RAP1B: variants seen among roughly 807,000 people sequenced by gnomAD.
RAP1B encodes ras-related protein Rap-1b.
RAP1B carries 1 observed loss-of-function variant against 27.5 expected under a neutral mutation model. That is an observed-to-expected ratio of 0.04 (90% CI 0.01 to 0.17). The LOEUF (loss-of-function observed/expected upper bound fraction) is 0.17, where lower values mean the gene tolerates loss of function less well. Among genes scored for constraint, RAP1B ranks in the 10% least tolerant of loss-of-function variants. The pLI is 1.00. For missense variants in RAP1B, 84 were observed against 214.8 expected (o/e 0.39, Z 3.81); for synonymous variants, 75 against 73.1 (o/e 1.03, Z -0.13).
rs1008656225 is a variant in RAP1B at position 68,669,042 on chromosome 12, A to G, written c.*9793A>G. 6.6e-6 allele frequency: 1 copy of G among 152,212 alleles called. No individual in the cohort carries two copies. The highest frequency in any genetic ancestry group is 2.4e-5 in the African/African-American group (1 of 41,462). 9.4% of individuals were successfully genotyped at this position (152,212 alleles called of 1,614,324 possible). A position where few individuals can be genotyped will look rare whatever the true frequency, so the allele number is the denominator to read the frequency against. On this transcript the variant is annotated 3_prime_UTR_variant, in exon 8 of 8. Transcript: ENST00000250559. The stretch of plus-strand genomic sequence containing the variant: ...AAATAAAATTACTTTTGCTTGTATT[A>G]TAAGTGAATACCTTGAAAGCTCAAA...
At position 68,664,895 on chromosome 12, in the gene RAP1B, GTT is replaced by G. The variant is rs1565678379; in HGVS notation, c.*5648_*5649del. 1.3e-5 allele frequency: 2 copies of G among 152,180 alleles called. No individual in the cohort carries two copies. The highest frequency in any genetic ancestry group is 4.8e-5 in the African/African-American group (2 of 41,434). The allele number at this position is 152,180 out of a possible 1,614,324, so 9.4% of individuals were successfully genotyped here. Reference sequence around the variant, plus strand: ...TGTTATTTTGTAAAATATATGGACTGTTTGCTTTATATTCCCAACTATTACAT... The same window carrying G: ...TGTTATTTTGTAAAATATATGGACTGTGCTTTATATTCCCAACTATTACAT... On this transcript the variant is annotated 3_prime_UTR_variant, in exon 8 of 8. Coordinates refer to ENST00000250559, the MANE Select transcript of RAP1B (RefSeq NM_001010942.3).
At chr12:68,636,096 G>A (rs1872614402) in intron 1 of RAP1B, among the ~76,000 whole-genome samples, 1 of 151,634 alleles carries the variant, frequency 6.6e-6, no homozygotes, top group Admixed American at 6.6e-5. Flanking sequence ...TATTGGCCAG[G>A]CTGGTCGCAA....
At chr12:68,650,739 T>C (rs1873754777) in intron 3 of RAP1B, 1 of 202,164 alleles carries the variant, frequency 4.9e-6, no homozygotes, top group Non-Finnish European at 9.8e-6. Flanking sequence ...CATGTTACTT[T>C]CAGTCCCCTA....
At chr12:68,647,082 T>A (rs752950036) in intron 1 of RAP1B, among the ~76,000 whole-genome samples, 3 of 152,156 alleles carry the variant, frequency 2.0e-5, no homozygotes, top group Non-Finnish European at 2.9e-5. Flanking sequence ...AGACAGAATC[T>A]CACTGTGTTG....
rs1430212741 is a variant in RAP1B at position 68,659,790 on chromosome 12, T to G, written c.*541T>G. On this transcript the variant is annotated 3_prime_UTR_variant, in exon 8 of 8. Transcript: ENST00000250559. ...CTTTGATTAACACAGCTATATAGTT[T>G]TTTTAATTTTTAAAAAACCTGTGGA... 6.6e-6 allele frequency: 1 copy of G among 152,574 alleles called. No individual in the cohort carries two copies. Among genetic ancestry groups the G allele is most frequent in the African/African-American group, 2.4e-5 (1 of 41,438 alleles). 9.5% of individuals were successfully genotyped at this position (152,574 alleles called of 1,614,324 possible).
intron 1 of RAP1B, among the ~76,000 whole-genome samples, chr12:68,628,064 CT>C (rs1215258287): frequency 6.6e-6 from 1 of 152,150 alleles, no homozygotes; most frequent in Admixed American, 6.5e-5. Context: ...ATGATTGCAC[CT>C]CTGCACTCTA....
chr12:68,648,138 A>G (rs1358101878), intron 1 of RAP1B: 3 of 152,432 alleles, frequency 2.0e-5, no homozygotes, highest in Admixed American at 6.5e-5. Context: ...TTTTATTTCT[A>G]CTATTTCATC....
At chr12:68,653,732 T>A (rs1738755934) in intron 4 of RAP1B, among the ~76,000 whole-genome samples, 1 of 151,982 alleles carries the variant, frequency 6.6e-6, no homozygotes, top group African/African-American at 2.4e-5. Flanking sequence ...ATGGAGATCA[T>A]CCTGGCTAAC....
intron 1 of RAP1B, among the ~76,000 whole-genome samples, chr12:68,635,374 G>GGAGATGGAAAGGA (rs1872558705): frequency 6.6e-6 from 1 of 152,156 alleles, no homozygotes; most frequent in Admixed American, 6.5e-5. Context: ...TTTTGGAGTT[G>GGAGATGGAAAGGA]GAGATGGAAA....
In RAP1B at chr12:68,665,466, A is replaced by G. The variant is rs1004083088; in HGVS notation, c.*6217A>G. 6.6e-6 allele frequency: 1 copy of G among 152,248 alleles called. No homozygotes were observed. Among genetic ancestry groups the G allele is most frequent in the African/African-American group, 2.4e-5 (1 of 41,460 alleles). 9.4% of individuals were successfully genotyped at this position (152,248 alleles called of 1,614,324 possible). Reference sequence around the variant, plus strand: ...ATTACTTGGGGTTAAAAATAGTAATAAAAAGGAAAGCCTGGCCTAAACAGT... The same window carrying G: ...ATTACTTGGGGTTAAAAATAGTAATGAAAAGGAAAGCCTGGCCTAAACAGT... On this transcript the variant is annotated 3_prime_UTR_variant, in exon 8 of 8. Coordinates refer to ENST00000250559, the MANE Select transcript of RAP1B (RefSeq NM_001010942.3).
chr12:68,653,990 T>G, intron 4 of RAP1B, 122 bp from the exon 5 acceptor site: 1 of 873,014 alleles, frequency 1.1e-6, no homozygotes, highest in Non-Finnish European at 1.7e-6. Context: ...TAGATTATAA[T>G]TTTAACAAAG....
At chr12:68,634,659 C>G (rs904939095) in intron 1 of RAP1B, among the ~76,000 whole-genome samples, 1 of 151,892 alleles carries the variant, frequency 6.6e-6, no homozygotes, top group South Asian at 2.1e-4. Context: ...TTGCTTATCT[C>G]TTGACTCGGC....
rs1424497310 is a variant in RAP1B, at chr12:68,670,122, G to A, written c.*10873G>A. The A allele has an allele frequency of 6.6e-6, 1 of 152,134 alleles. No individual in the cohort carries two copies. Among genetic ancestry groups the A allele is most frequent in the East Asian group, 1.9e-4 (1 of 5,132 alleles). 9.4% of individuals were successfully genotyped at this position (152,134 alleles called of 1,614,324 possible). A position where few individuals can be genotyped will look rare whatever the true frequency, so the allele number is the denominator to read the frequency against. ...TGGGCTAATTTTGTATTTTAGTAGA[G>A]ATGGGGTTTCTCCATGTTGGTCAGG... On this transcript the variant is annotated 3_prime_UTR_variant, in exon 8 of 8. Transcript: ENST00000250559.
At chr12:68,653,973 C>T (rs1160836154) in intron 4 of RAP1B, 139 bp from the exon 5 acceptor site, 3 of 750,830 alleles carry the variant, frequency 4.0e-6, no homozygotes, top group Non-Finnish European at 4.2e-6. Context: ...CAAATAGTAT[C>T]TTGTCATAGA....
chr12:68,625,165 GTAAT>G (rs996002848), intron 1 of RAP1B, among the ~76,000 whole-genome samples: 7 of 152,342 alleles, frequency 4.6e-5, no homozygotes, highest in Non-Finnish European at 1.0e-4. Flanking sequence ...ATGCAAGTAA[GTAAT>G]TAAGTGTTTA....
At chr12:68,640,248 A>G (rs949144126) in intron 1 of RAP1B, among the ~76,000 whole-genome samples, 1 of 152,148 alleles carries the variant, frequency 6.6e-6, no homozygotes, top group African/African-American at 2.4e-5. Flanking sequence ...ACTGAGCTAT[A>G]TAGTAATTTC....
At chr12:68,612,209 T>C (rs778548847) in intron 1 of RAP1B, among the ~76,000 whole-genome samples, 8 of 152,206 alleles carry the variant, frequency 5.3e-5, no homozygotes, top group Non-Finnish European at 1.5e-5. Flanking sequence ...ATATGTCGAG[T>C]ACTTAACAAT....
In RAP1B at chr12:68,667,681, A is replaced by G. The variant is rs186548581; in HGVS notation, c.*8432A>G. The G allele has an allele frequency of 1.2e-4, 19 of 152,328 alleles. No individual in the cohort carries two copies. The highest frequency in any genetic ancestry group is 2.4e-4 in the Non-Finnish European group (16 of 68,016). The allele number at this position is 152,328 out of a possible 1,614,324, so 9.4% of individuals were successfully genotyped here. A position where few individuals can be genotyped will look rare whatever the true frequency, so the allele number is the denominator to read the frequency against. On this transcript the variant is annotated 3_prime_UTR_variant, in exon 8 of 8. Transcript: ENST00000250559. The stretch of plus-strand genomic sequence containing the variant: ...ACAAACTTACAGTTCCCAGAAGTCA[A>G]TTCAGTCATTCTCTATAAGAGCTGT...
intron 1 of RAP1B, among the ~76,000 whole-genome samples, chr12:68,642,044 C>T (rs1047210189): frequency 1.3e-5 from 2 of 152,072 alleles, no homozygotes; most frequent in African/African-American, 4.8e-5. Context: ...ATATATGCTA[C>T]AGTCTTTTCT....
Sources: gnomAD v4.1 joint callset for allele counts (sites outside exome capture counted in the v4.1 genomes callset) on GRCh38, gnomAD v4.1.1 for gene constraint, MANE v1.5 for transcripts, NCBI Gene and HGNC (gene_info 2026-07-23, HGNC 2026-07-21) for gene names.